UNC13C: variants seen among roughly 807,000 people sequenced by gnomAD.
UNC13C encodes unc-13 homolog C.
A neutral mutation model predicts 245.4 loss-of-function variants in UNC13C; 174 were observed. That is an observed-to-expected ratio of 0.71 (90% CI 0.63 to 0.80). UNC13C has a LOEUF of 0.80. UNC13C is among the 30% of genes least tolerant of loss of function. The pLI, the probability that UNC13C is intolerant of heterozygous loss-of-function variation, is 0.00. For missense variants in UNC13C, 2,829 were observed against 2,602.9 expected, an observed-to-expected ratio of 1.09 and a Z score of -1.89; for synonymous variants, 992 against 895.1, an observed-to-expected ratio of 1.11 and a Z score of -1.93.
chr15:54,169,005 A>C (rs2033286722), intron 4 of UNC13C, among the ~76,000 whole-genome samples: 1 of 152,200 alleles, frequency 6.6e-6, no homozygotes, highest in African/African-American at 2.4e-5. Flanking sequence ...ATGTTAACTC[A>C]GTTGGACAAG....
chr15:53,870,529 T>C, the UNC13C span, among the ~76,000 whole-genome samples: 1 of 150,910 alleles, frequency 6.6e-6, no homozygotes, highest in East Asian at 2.0e-4. Flanking sequence ...TCCATGGCCA[T>C]TCAGCTTACC....
At chr15:54,263,668 CTCAA>C (rs139123151) in intron 8 of UNC13C, among the ~76,000 whole-genome samples, 3,816 of 152,170 alleles carry the variant, frequency 0.025, 157 homozygotes, top group African/African-American at 0.088. Context: ...CTTTAAACAG[CTCAA>C]TCATTTTCTT....
intron 18 of UNC13C, among the ~76,000 whole-genome samples, chr15:54,408,632 CTAA>C (rs141134991): frequency 0.02 from 3,083 of 152,156 alleles, 89 homozygotes; most frequent in African/African-American, 0.068. Flanking sequence ...AATAAGAGTT[CTAA>C]TGTTTATTTA....
chr15:54,129,720 T>C (rs11634445), intron 2 of UNC13C, among the ~76,000 whole-genome samples: 55,517 of 151,160 alleles, frequency 0.37, 10,248 homozygotes, highest in Admixed American at 0.39. Flanking sequence ...CTCAGAACTT[T>C]TCAAAATCTT....
intron 18 of UNC13C, among the ~76,000 whole-genome samples, chr15:54,393,633 A>T (rs1029358101): frequency 6.6e-6 from 1 of 151,946 alleles, no homozygotes; most frequent in Non-Finnish European, 1.5e-5. Flanking sequence ...TAACATATTT[A>T]ATAAAACAAG....
At chr15:54,343,219 C>A (rs71474870) in intron 17 of UNC13C, among the ~76,000 whole-genome samples, 38,110 of 151,828 alleles carry the variant, frequency 0.25, 5,201 homozygotes, top group Admixed American at 0.34. Flanking sequence ...CTGCAAACTC[C>A]GCCTCTTGGG....
At chr15:53,859,876 G>A in the UNC13C span, among the ~76,000 whole-genome samples, 1 of 152,100 alleles carries the variant, frequency 6.6e-6, no homozygotes, top group East Asian at 1.9e-4. Flanking sequence ...TTTCTCTAAC[G>A]GTTTTGGACT....
intron 1 of UNC13C, among the ~76,000 whole-genome samples, chr15:53,989,117 A>G (rs1315606053): frequency 2.6e-5 from 4 of 151,982 alleles, no homozygotes; most frequent in Non-Finnish European, 5.9e-5. Context: ...GTAAAACAGT[A>G]CAGAGGAAAT....
intron 8 of UNC13C, among the ~76,000 whole-genome samples, chr15:54,254,991 T>G (rs1347231292): frequency 1.3e-5 from 2 of 152,142 alleles, no homozygotes; most frequent in Admixed American, 6.5e-5. Context: ...AAAGTTCCCA[T>G]GTCCTCCTTG....
chr15:54,015,028 T>C lies in UNC13C; in HGVS notation c.2125T>C (p.Ser709Pro). 6.2e-7 allele frequency: 1 copy of C among 1,613,368 alleles called. No individual in the cohort carries two copies. The highest frequency in any genetic ancestry group is 1.3e-5 in the African/African-American group (1 of 75,044). ...GKCHSDLQDD[S>P]ESYDLTQDDN... Reference sequence around the variant, plus strand: ...GTGCCACAGTGATCTTCAAGATGACTCAGAGAGCTACGACTTAACTCAAGA... The same window carrying C: ...GTGCCACAGTGATCTTCAAGATGACCCAGAGAGCTACGACTTAACTCAAGA... The change falls in exon 2 of 33, where the codon TCA (serine) becomes CCA (proline). Residue 709 changes from serine to proline, a missense_variant. Coordinates refer to ENST00000260323, the MANE Select transcript of UNC13C (RefSeq NM_001080534.3).
At position 54,494,750 on chromosome 15, in the gene UNC13C, A is replaced by AAC. The variant is rs749594812; in HGVS notation, c.5060+25_5060+26dup. On this transcript the variant is annotated intron_variant, in intron 20 of 32. Transcript: ENST00000260323. ...AATACTCCTTGTAAGTAGTGATTTT[A>AAC]ACACACACACCCTCAGATCTAAATT... is the stretch of plus-strand genomic sequence containing the variant. 3 of 1,606,456 alleles carry AAC rather than the reference A, an allele frequency of 1.9e-6. No homozygotes were observed. Among genetic ancestry groups the AAC allele is most frequent in the South Asian group, 2.2e-5 (2 of 89,032 alleles).
intron 30 of UNC13C, among the ~76,000 whole-genome samples, chr15:54,568,933 A>G (rs377459403): frequency 6.6e-6 from 1 of 152,162 alleles, no homozygotes; most frequent in Non-Finnish European, 1.5e-5. Flanking sequence ...AAAAACTACA[A>G]TTATCCCTTT....
At chr15:54,475,141 C>A (rs185852490) in intron 19 of UNC13C, among the ~76,000 whole-genome samples, 1 of 151,848 alleles carries the variant, frequency 6.6e-6, no homozygotes, top group African/African-American at 2.4e-5. Flanking sequence ...GTTGCCTGTG[C>A]TTTTGAGGTC....
chr15:54,519,305 G>GA (rs1013102756), intron 24 of UNC13C, among the ~76,000 whole-genome samples: 1 of 152,026 alleles, frequency 6.6e-6, no homozygotes, highest in Non-Finnish European at 1.5e-5. Context: ...GTAATTTAAA[G>GA]AAAAACAGTT....
At chr15:54,266,279 A>C (rs1305080920) in intron 10 of UNC13C, among the ~76,000 whole-genome samples, 2 of 151,980 alleles carry the variant, frequency 1.3e-5, no homozygotes, top group African/African-American at 2.4e-5. Context: ...CTGATGAAGG[A>C]AGTCTTAAGA....
At chr15:54,218,098 A>G (rs899430545) in intron 4 of UNC13C, among the ~76,000 whole-genome samples, 1 of 151,954 alleles carries the variant, frequency 6.6e-6, no homozygotes, top group African/African-American at 2.4e-5. Context: ...CTGTGAACAA[A>G]CAAAATGCAG....
At chr15:53,898,956 C>T in the UNC13C span, among the ~76,000 whole-genome samples, 1 of 152,062 alleles carries the variant, frequency 6.6e-6, no homozygotes, top group Admixed American at 6.6e-5. Context: ...CACTGCCCCC[C>T]ACCCCATCCC....
chr15:54,261,276 G>T (rs185262768), intron 8 of UNC13C, among the ~76,000 whole-genome samples: 1 of 152,232 alleles, frequency 6.6e-6, no homozygotes, highest in African/African-American at 2.4e-5. Flanking sequence ...ATGACTTTTA[G>T]ATAAACAAAT....
At chr15:53,897,460 G>T in the UNC13C span, among the ~76,000 whole-genome samples, 1 of 152,046 alleles carries the variant, frequency 6.6e-6, no homozygotes, top group African/African-American at 2.4e-5. Context: ...CCTTGTTTTT[G>T]TAGGGATGAG....
Sources: allele counts gnomAD v4.1 joint callset (sites outside exome capture counted in the v4.1 genomes callset), GRCh38; gene constraint gnomAD v4.1.1; transcripts MANE v1.5; gene names NCBI Gene and HGNC (gene_info 2026-07-23, HGNC 2026-07-21).